MAN1A2: variants seen among roughly 807,000 people sequenced by gnomAD.
The protein encoded by MAN1A2 is mannosyl-oligosaccharide 1,2-alpha-mannosidase IB.
In MAN1A2, 26 loss-of-function variants were observed where a neutral mutation model predicts 75.7. The observed-to-expected ratio is 0.34, with a 90% CI of 0.25 to 0.48. MAN1A2 has a LOEUF of 0.48. MAN1A2 is among the 20% of genes least tolerant of loss of function. The pLI is 0.99. For missense variants in MAN1A2, 562 were observed against 775.5 expected (o/e 0.72, Z 3.27); for synonymous variants, 247 against 264.6 (o/e 0.93, Z 0.65).
At chr1:117,452,827 T>C (rs1649465457) in intron 6 of MAN1A2, among the ~76,000 whole-genome samples, 1 of 152,130 alleles carries the variant, frequency 6.6e-6, no homozygotes, top group Non-Finnish European at 1.5e-5. Flanking sequence ...AGATTTTCAG[T>C]GTAGATGAAA....
chr1:117,513,261 A>G (rs1457184069), intron 12 of MAN1A2, among the ~76,000 whole-genome samples: 1 of 152,170 alleles, frequency 6.6e-6, no homozygotes, highest in South Asian at 2.1e-4. Flanking sequence ...AAGGTAAACA[A>G]TGTGAATATA....
intron 6 of MAN1A2, among the ~76,000 whole-genome samples, chr1:117,445,894 A>ATATATATATATG (rs1557953937): frequency 1.4e-5 from 2 of 144,104 alleles, no homozygotes; most frequent in Non-Finnish European, 3.0e-5. Flanking sequence ...GTATATATAT[A>ATATATATATATG]TATATGTATA....
intron 5 of MAN1A2, among the ~76,000 whole-genome samples, chr1:117,429,962 G>C (rs1251929167): frequency 2.5e-5 from 2 of 81,278 alleles, no homozygotes; most frequent in Non-Finnish European, 5.2e-5. Context: ...CTCCAGACGG[G>C]GCGGCTGGCC....
rs1652067081 is a variant in MAN1A2 at position 117,527,808 on chromosome 1, G to C, written c.*4851G>C. ...GGGTACTCTTAGAGCTCTACAGCAAGAATATGATAGAATGTCTGATCTTTG... is the reference window on the plus strand; with the variant it reads ...GGGTACTCTTAGAGCTCTACAGCAACAATATGATAGAATGTCTGATCTTTG... On this transcript the variant is annotated 3_prime_UTR_variant, in exon 13 of 13. Transcript: ENST00000356554. The C allele has an allele frequency of 6.6e-6, 1 of 152,056 alleles. No homozygotes were observed. The highest frequency in any genetic ancestry group is 2.4e-5 in the African/African-American group (1 of 41,438). The allele number at this position is 152,056 out of a possible 1,614,324, so 9.4% of individuals were successfully genotyped here.
chr1:117,493,393 G>A, intron 9 of MAN1A2, 131 bp downstream of exon 9: 6 of 538,642 alleles, frequency 1.1e-5, no homozygotes, highest in Non-Finnish European at 2.0e-5. Context: ...TTTATTATAT[G>A]CATTCACTGT....
Position 117,499,533 on chromosome 1 carries a change from G to A in MAN1A2, c.1656G>A (p.Gln552=), listed in dbSNP as rs765916203. ...WRFTHDPRYR[Q]WGWEAALAIE... Reference sequence around the variant, plus strand: ...TCACTCACGATCCAAGATACAGGCAGTGGGGCTGGGAAGCAGCACTGGTAA... The same window carrying A: ...TCACTCACGATCCAAGATACAGGCAATGGGGCTGGGAAGCAGCACTGGTAA... Residue 552 remains glutamine, a synonymous_variant, in exon 11 of 13, where the codon CAG becomes CAA. Transcript: ENST00000356554. 7.5e-6 allele frequency: 12 copies of A among 1,604,844 alleles called. No homozygotes were observed. The African/African-American group carries it at 1.5e-4, about 20-fold the overall frequency.
At chr1:117,370,525 CTTTCTT>C (rs1258387579) in intron 1 of MAN1A2, among the ~76,000 whole-genome samples, 2 of 151,774 alleles carry the variant, frequency 1.3e-5, no homozygotes, top group African/African-American at 2.4e-5. Context: ...TAGTAATAAA[CTTTCTT>C]TTACTTTGAG....
rs528757989 is a variant in MAN1A2 at position 117,450,540 on chromosome 1, C to A, written c.950+8215C>A. Reference sequence around the variant, plus strand: ...AATGTTAACCCCCAAGACAATGGGGCAAATGTCTCCAGGGCATGTCAGAGG... The same window carrying A: ...AATGTTAACCCCCAAGACAATGGGGAAAATGTCTCCAGGGCATGTCAGAGG... On this transcript the variant is annotated intron_variant, in intron 6 of 12. Coordinates refer to ENST00000356554, the MANE Select transcript of MAN1A2 (RefSeq NM_006699.5). Among the ~76,000 whole-genome samples the A allele has an allele frequency of 1.8e-4, 28 of 152,270 alleles. No homozygotes were observed. The South Asian group carries it at 5.8e-3, about 32-fold the overall frequency.
At chr1:117,454,889 T>A (rs879401318) in intron 6 of MAN1A2, among the ~76,000 whole-genome samples, 1 of 152,096 alleles carries the variant, frequency 6.6e-6, no homozygotes, top group Non-Finnish European at 1.5e-5. Flanking sequence ...GTGGGAAGGT[T>A]AATGGTTTAT....
At chr1:117,407,340 A>G (rs1277458966) in intron 3 of MAN1A2, among the ~76,000 whole-genome samples, 1 of 152,074 alleles carries the variant, frequency 6.6e-6, no homozygotes, top group Non-Finnish European at 1.5e-5. Context: ...GTGTATCTCA[A>G]ATTCTTGCCA....
intron 3 of MAN1A2, among the ~76,000 whole-genome samples, chr1:117,412,030 A>C (rs1647837294): frequency 6.6e-6 from 1 of 151,810 alleles, no homozygotes; most frequent in Admixed American, 6.6e-5. Context: ...TCCGCCAATG[A>C]TATAAAGAAT....
intron 4 of MAN1A2, among the ~76,000 whole-genome samples, chr1:117,419,635 G>A (rs1379872615): frequency 6.6e-6 from 1 of 151,852 alleles, no homozygotes; most frequent in Non-Finnish European, 1.5e-5. Flanking sequence ...ATGTTTTTAT[G>A]TTAGTTGTAT....
chr1:117,458,524 T>A (rs969984062), intron 6 of MAN1A2, among the ~76,000 whole-genome samples: 1,446 of 71,594 alleles, frequency 0.02, 38 homozygotes, highest in South Asian at 0.095. Context: ...TATATATATA[T>A]TTTTTTTTTT....
At chr1:117,487,545 C>T (rs747512148) in intron 8 of MAN1A2, among the ~76,000 whole-genome samples, 1 of 152,008 alleles carries the variant, frequency 6.6e-6, no homozygotes, top group Non-Finnish European at 1.5e-5. Flanking sequence ...TGATTTTACG[C>T]AGTTGATGTC....
chr1:117,449,581 A>C (rs1649342444), intron 6 of MAN1A2, among the ~76,000 whole-genome samples: 1 of 151,948 alleles, frequency 6.6e-6, no homozygotes, highest in Admixed American at 6.6e-5. Context: ...AAAAGCTAGA[A>C]ATAATTAAGC....
At chr1:117,411,978 G>A (rs760626814) in intron 3 of MAN1A2, among the ~76,000 whole-genome samples, 7 of 151,748 alleles carry the variant, frequency 4.6e-5, no homozygotes, top group Non-Finnish European at 1.0e-4. Context: ...TCACAAATGA[G>A]ATCAGGTGTA....
chr1:117,375,946 C>T (rs377010797), intron 1 of MAN1A2, among the ~76,000 whole-genome samples: 4 of 144,670 alleles, frequency 2.8e-5, no homozygotes, highest in African/African-American at 1.0e-4. Context: ...GAGTCTTGCT[C>T]TGTCGCCCAG....
chr1:117,525,269 G>A lies in MAN1A2; in HGVS notation c.*2312G>A, dbSNP rs1639032919. The A allele has an allele frequency of 2.8e-6, 1 of 359,664 alleles. No individual in the cohort carries two copies. The highest frequency in any genetic ancestry group is 2.1e-5 in the African/African-American group (1 of 47,132). 22.3% of individuals were successfully genotyped at this position (359,664 alleles called of 1,614,324 possible). A position where few individuals can be genotyped will look rare whatever the true frequency, so the allele number is the denominator to read the frequency against. ...CTTCACCACTCCTTACCTTCTATGT[G>A]ATGGAAAGACTAGAGCTTATAAAAG... On this transcript the variant is annotated 3_prime_UTR_variant, in exon 13 of 13. Transcript: ENST00000356554.
chr1:117,417,899 G>C (rs981595713), intron 4 of MAN1A2, among the ~76,000 whole-genome samples: 2 of 151,790 alleles, frequency 1.3e-5, no homozygotes, highest in African/African-American at 4.8e-5. Flanking sequence ...GGGCAACATA[G>C]TGAGACCTGA....
Sources: allele counts gnomAD v4.1 joint callset (sites outside exome capture counted in the v4.1 genomes callset), GRCh38; gene constraint gnomAD v4.1.1; transcripts MANE v1.5; gene names NCBI Gene and HGNC (gene_info 2026-07-23, HGNC 2026-07-21).